The following EPM2A variants were observed in gnomAD, a reference collection of about 807,000 sequenced individuals.
EPM2A encodes laforin.
EPM2A carries 21 observed loss-of-function variants against 26.5 expected under a neutral mutation model. That is an observed-to-expected ratio of 0.79 (90% CI 0.56 to 1.14). The LOEUF (loss-of-function observed/expected upper bound fraction) is 1.14, where lower values mean the gene tolerates loss of function less well. Among genes scored for constraint, EPM2A ranks in the 50% most tolerant of loss-of-function variants. EPM2A has a pLI of 0.00. For synonymous variants in EPM2A, 217 were observed against 177.6 expected (o/e 1.22, Z -1.76); for missense variants, 458 against 440.8 (o/e 1.04, Z -0.35).
chr6:145,585,647 C>T (rs1296433141), intron 2 of EPM2A, among the ~76,000 whole-genome samples: 4 of 151,864 alleles, frequency 2.6e-5, no homozygotes, highest in Non-Finnish European at 4.4e-5. Flanking sequence ...TTATATTTTC[C>T]TGTTTCTTTG....
intron 4 of EPM2A, among the ~76,000 whole-genome samples, chr6:145,394,202 G>C (rs943021551): frequency 6.6e-6 from 1 of 152,172 alleles, no homozygotes; most frequent in Non-Finnish European, 1.5e-5. Context: ...GATGGAGAGA[G>C]AGAGTTCCTT....
intron 2 of EPM2A, among the ~76,000 whole-genome samples, chr6:145,525,167 T>C (rs1165910183): frequency 6.6e-6 from 1 of 152,148 alleles, no homozygotes; most frequent in Non-Finnish European, 1.5e-5. Flanking sequence ...TATTGTTTAC[T>C]GCAGCCTTAC....
chr6:145,488,797 G>T (rs1779713193), intron 4 of EPM2A, among the ~76,000 whole-genome samples: 1 of 151,682 alleles, frequency 6.6e-6, no homozygotes, highest in Admixed American at 6.6e-5. Context: ...TAAAATACTA[G>T]TGCAACTTTC....
intron 2 of EPM2A, among the ~76,000 whole-genome samples, chr6:145,542,752 T>C (rs1482078629): frequency 2.6e-5 from 4 of 152,132 alleles, no homozygotes; most frequent in Non-Finnish European, 5.9e-5. Context: ...TTTTCTGTTT[T>C]TGGTTTTGTT....
intron 4 of EPM2A, among the ~76,000 whole-genome samples, chr6:145,486,553 T>C (rs185401606): frequency 6.6e-6 from 1 of 152,296 alleles, no homozygotes; most frequent in East Asian, 1.9e-4. Context: ...GACTTGTTCA[T>C]CCTACATAGT....
intron 2 of EPM2A, among the ~76,000 whole-genome samples, chr6:145,573,255 A>G (rs1362390878): frequency 6.6e-6 from 1 of 152,166 alleles, no homozygotes; most frequent in African/African-American, 2.4e-5. Context: ...GAGTTGATAT[A>G]CCCCTGAGGT....
chr6:145,585,154 T>C (rs551852360), intron 2 of EPM2A, among the ~76,000 whole-genome samples: 18 of 152,298 alleles, frequency 1.2e-4, no homozygotes, highest in Admixed American at 1.2e-3. Flanking sequence ...ATCACTGATT[T>C]CTTATTATCA....
intron 4 of EPM2A, chr6:145,492,155 C>T (rs1779764013): frequency 4.8e-6 from 1 of 210,060 alleles, no homozygotes; most frequent in African/African-American, 2.4e-5. Flanking sequence ...TTTCCCTGGC[C>T]TTTTTGCAGG....
intron 4 of EPM2A, among the ~76,000 whole-genome samples, chr6:145,482,669 G>T (rs1029082905): frequency 5.3e-5 from 8 of 151,948 alleles, no homozygotes; most frequent in Non-Finnish European, 1.0e-4. Flanking sequence ...GAAAAAAATG[G>T]CAACATTCAG....
At chr6:145,635,099 A>C (rs1776544710) in intron 3 of EPM2A, 146 bp downstream of exon 3, 5 of 874,572 alleles carry the variant, frequency 5.7e-6, no homozygotes, top group Non-Finnish European at 7.0e-6. Flanking sequence ...GTGTCAAAAC[A>C]TATGTATTAT....
intron 1 of EPM2A, among the ~76,000 whole-genome samples, chr6:145,709,177 T>C (rs746647310): frequency 1.1e-4 from 16 of 152,136 alleles, no homozygotes; most frequent in Non-Finnish European, 2.2e-4. Flanking sequence ...ACTGTGGACT[T>C]TTGAGTTAAT....
At chr6:145,470,866 C>A (rs886613465) in intron 4 of EPM2A, among the ~76,000 whole-genome samples, 1 of 152,132 alleles carries the variant, frequency 6.6e-6, no homozygotes, top group African/African-American at 2.4e-5. Flanking sequence ...TAATAAACCA[C>A]CCCAAACTCA....
intron 4 of EPM2A, among the ~76,000 whole-genome samples, chr6:145,475,211 C>A (rs1453990002): frequency 6.6e-6 from 1 of 152,096 alleles, no homozygotes; most frequent in Non-Finnish European, 1.5e-5. Context: ...GACTTGGAAC[C>A]AATCCAAATG....
chr6:145,670,520 C>T (rs1294515922), intron 2 of EPM2A: 1 of 152,064 alleles, frequency 6.6e-6, no homozygotes, highest in Non-Finnish European at 1.5e-5. Flanking sequence ...TACAATTGTA[C>T]TGATTCCAGA....
chr6:145,446,054 C>A (rs117131765), intron 4 of EPM2A, among the ~76,000 whole-genome samples: 110 of 152,266 alleles, frequency 7.2e-4, no homozygotes, highest in Middle Eastern at 6.8e-3. Context: ...CTCTTGTTAA[C>A]AGCCCAAGCT....
At chr6:145,619,172 T>A (rs1425320473) in intron 2 of EPM2A, among the ~76,000 whole-genome samples, 2 of 151,354 alleles carry the variant, frequency 1.3e-5, no homozygotes, top group Non-Finnish European at 2.9e-5. Flanking sequence ...AAAAAAAAAA[T>A]TGGGGAATAT....
intron 1 of EPM2A, among the ~76,000 whole-genome samples, chr6:145,688,521 A>C (rs1276059562): frequency 6.6e-6 from 1 of 152,224 alleles, no homozygotes; most frequent in Non-Finnish European, 1.5e-5. Flanking sequence ...TTGGGTTTGG[A>C]GTGCTCTTTA....
rs926609328 is a variant in EPM2A at position 145,625,914 on chromosome 6, A to G, written c.*1502T>C. 2.1e-6 allele frequency: 3 copies of G among 1,423,682 alleles called. No individual in the cohort carries two copies. The highest frequency in any genetic ancestry group is 2.9e-5 in the African/African-American group (2 of 69,512). The allele number at this position is 1,423,682 out of a possible 1,614,324, so 88.2% of individuals were successfully genotyped here. Reference sequence around the variant, plus strand: ...AAAAATAAATACGCATCATAGTTTAATTAGGAAAGTAAGGGCTTTGAATCA... The same window carrying G: ...AAAAATAAATACGCATCATAGTTTAGTTAGGAAAGTAAGGGCTTTGAATCA... On this transcript the variant is annotated 3_prime_UTR_variant, in exon 4 of 4. Coordinates refer to ENST00000367519, the MANE Select transcript of EPM2A (RefSeq NM_005670.4).
intron 1 of EPM2A, among the ~76,000 whole-genome samples, chr6:145,733,329 CAG>C (rs1348137345): frequency 1.3e-5 from 2 of 151,888 alleles, no homozygotes; most frequent in East Asian, 1.9e-4. Context: ...GCAGGGAAGA[CAG>C]AGAGTGAACT....
Sources: allele counts gnomAD v4.1 joint callset (sites outside exome capture counted in the v4.1 genomes callset), GRCh38; gene constraint gnomAD v4.1.1; transcripts MANE v1.5; gene names NCBI Gene and HGNC (gene_info 2026-07-23, HGNC 2026-07-21).